CTNNA1: variants seen among roughly 807,000 people sequenced by gnomAD.
CTNNA1 encodes the protein catenin alpha 1.
Under a neutral mutation model 98.4 loss-of-function variants are expected in CTNNA1, and 37 were observed. The ratio of observed to expected loss-of-function variants is 0.38; its 90% CI spans 0.29 to 0.49. The LOEUF (loss-of-function observed/expected upper bound fraction) is 0.49. CTNNA1 is among the 20% of genes least tolerant of loss of function. The probability of loss-of-function intolerance (pLI) is 0.95; values close to 1 mark genes in which losing one functional copy is unlikely to be tolerated. For missense variants in CTNNA1, 761 were observed against 1,147.2 expected (o/e 0.66, Z 4.86); for synonymous variants, 404 against 413.2 (o/e 0.98, Z 0.27).
intron 3 of CTNNA1, among the ~76,000 whole-genome samples, chr5:138,800,545 A>C (rs1359260593): frequency 6.6e-6 from 1 of 152,176 alleles, no homozygotes; most frequent in Non-Finnish European, 1.5e-5. Context: ...CTGTAATCCC[A>C]GCACTTTGGG....
Position 138,781,917 on chromosome 5 carries a change from A to ATTT in CTNNA1, c.-2-5_-2-3dup. On this transcript the variant is annotated splice_polypyrimidine_tract_variant and splice_region_variant and intron_variant, in intron 1 of 17. Coordinates refer to ENST00000302763, the MANE Select transcript of CTNNA1 (RefSeq NM_001903.5). ...TTGCCTGACTGACTTTTTGTTTCTT[A>ATTT]TTTAGAAATGACTGCTGTCCATGCA... 11 of 1,572,806 alleles carry ATTT rather than the reference A, an allele frequency of 7.0e-6. No homozygotes were observed. The highest frequency in any genetic ancestry group is 9.4e-6 in the Non-Finnish European group (11 of 1,168,842).
intron 7 of CTNNA1, among the ~76,000 whole-genome samples, chr5:138,830,966 G>T (rs1297018666): frequency 7.9e-5 from 12 of 152,108 alleles, no homozygotes; most frequent in Admixed American, 7.9e-4. Context: ...TAAAAAAATG[G>T]TTCATTTTAT....
rs551429983 is a variant in CTNNA1, at chr5:138,873,090, G to T, written c.1063-13122G>T. 6.2e-7 allele frequency: 1 copy of T among 1,613,774 alleles called. No individual in the cohort carries two copies. Among genetic ancestry groups the T allele is most frequent in the African/African-American group, 1.3e-5 (1 of 75,010 alleles). ...TTAATGATGATGAAGGGTCCTTCATGGGTGGGTTCATATTCATTATACGGT... is the reference window on the plus strand; with the variant it reads ...TTAATGATGATGAAGGGTCCTTCATTGGTGGGTTCATATTCATTATACGGT... On this transcript the variant is annotated intron_variant, in intron 7 of 17. Coordinates refer to ENST00000302763, the MANE Select transcript of CTNNA1 (RefSeq NM_001903.5). The surrounding 1 kb of genome is among the most constrained non-coding windows in gnomAD (Gnocchi z 6.1).
At chr5:138,900,631 A>G (rs10479194) in intron 9 of CTNNA1, among the ~76,000 whole-genome samples, 3,469 of 152,294 alleles carry the variant, frequency 0.023, 134 homozygotes, top group African/African-American at 0.08. Context: ...ATGAAACTTC[A>G]TTTAACAAAT....
intron 1 of CTNNA1, among the ~76,000 whole-genome samples, chr5:138,764,870 T>C (rs112841617): frequency 5.7e-5 from 7 of 123,328 alleles, no homozygotes; most frequent in Non-Finnish European, 1.1e-4. Context: ...ATCTCTCTCT[T>C]TTTTTTTTTT....
chr5:138,756,658 TG>T (rs1378016862), intron 1 of CTNNA1, among the ~76,000 whole-genome samples: 1 of 152,140 alleles, frequency 6.6e-6, no homozygotes, highest in East Asian at 1.9e-4. Context: ...ACTTTTTCAG[TG>T]GGGAGAAGAC....
intron 1 of CTNNA1, among the ~76,000 whole-genome samples, chr5:138,776,370 C>A (rs1228941601): frequency 6.6e-6 from 1 of 152,208 alleles, no homozygotes; most frequent in East Asian, 1.9e-4. Context: ...GTAAGGTCAC[C>A]GATCAACAGG....
chr5:138,780,243 T>C (rs935460884), intron 1 of CTNNA1, among the ~76,000 whole-genome samples: 1 of 151,918 alleles, frequency 6.6e-6, no homozygotes, highest in African/African-American at 2.4e-5. Flanking sequence ...CAGGCCGGAC[T>C]GCAGTGGCGC....
chr5:138,869,350 T>C (rs1257491206), intron 7 of CTNNA1: 1 of 151,546 alleles, frequency 6.6e-6, no homozygotes, highest in Non-Finnish European at 1.5e-5. Flanking sequence ...TAATTATCTA[T>C]AGATGGCCTT....
intron 3 of CTNNA1, among the ~76,000 whole-genome samples, chr5:138,800,056 C>T (rs1757406746): frequency 1.3e-5 from 2 of 152,018 alleles, no homozygotes; most frequent in Non-Finnish European, 2.9e-5. Flanking sequence ...GCCACCACAC[C>T]CAGCTAAATT....
intron 3 of CTNNA1, among the ~76,000 whole-genome samples, chr5:138,804,163 G>A (rs548992910): frequency 4.6e-5 from 7 of 152,196 alleles, no homozygotes; most frequent in Non-Finnish European, 5.9e-5. Context: ...TCTACACATC[G>A]TGCAGAGGAG....
rs543485382 is a variant in CTNNA1, at chr5:138,893,874, G to A, written c.1296+6232G>A. On this transcript the variant is annotated intron_variant, in intron 9 of 17. Coordinates refer to ENST00000302763, the MANE Select transcript of CTNNA1 (RefSeq NM_001903.5). ...CCTGACCTTGTGATCTTCCCACCTC[G>A]GCCTCCCAAACTGCTGAGATTACAG... 6.1e-5 allele frequency among the ~76,000 whole-genome samples: 9 copies of A among 148,240 alleles called. No homozygotes were observed. The South Asian group carries it at 6.5e-4, about 11-fold the overall frequency.
rs908564215 is a variant in CTNNA1 at position 138,904,488 on chromosome 5, G to T, written c.1389+47G>T. 2.1e-5 allele frequency: 34 copies of T among 1,583,690 alleles called. No individual in the cohort carries two copies. Among genetic ancestry groups the T allele is most frequent in the Non-Finnish European group, 2.7e-5 (32 of 1,166,142 alleles). ...TGACAGCATAACCAAATTAAATTTTGATTCAAGTGGAGATGAGGTTTATTT... is the reference window on the plus strand; with the variant it reads ...TGACAGCATAACCAAATTAAATTTTTATTCAAGTGGAGATGAGGTTTATTT... On this transcript the variant is annotated intron_variant, in intron 10 of 17. Transcript: ENST00000302763.
chr5:138,753,960 T>C (rs902525042), intron 1 of CTNNA1: 1 of 152,232 alleles, frequency 6.6e-6, no homozygotes, highest in Non-Finnish European at 1.5e-5. Context: ...TCCCGGGAAG[T>C]GATTGTCGTC....
At chr5:138,782,954 AAT>A (rs1406591840) in intron 2 of CTNNA1, among the ~76,000 whole-genome samples, 28 of 152,320 alleles carry the variant, frequency 1.8e-4, no homozygotes, top group Admixed American at 1.2e-3. Flanking sequence ...GAGAAATTAA[AAT>A]ATGTGTTAAA....
intron 9 of CTNNA1, among the ~76,000 whole-genome samples, chr5:138,899,549 G>T (rs914785751): frequency 1.3e-5 from 2 of 152,138 alleles, no homozygotes; most frequent in East Asian, 1.9e-4. Context: ...CTTAGGGTTG[G>T]TCACTTACTA....
At chr5:138,878,630 C>G (rs1013265892) in intron 7 of CTNNA1, among the ~76,000 whole-genome samples, 2 of 152,114 alleles carry the variant, frequency 1.3e-5, no homozygotes, top group Non-Finnish European at 2.9e-5. Context: ...TGTCTGCATT[C>G]CTCCACATGA....
intron 5 of CTNNA1, among the ~76,000 whole-genome samples, chr5:138,815,989 C>G (rs762140035): frequency 6.6e-5 from 10 of 152,190 alleles, no homozygotes; most frequent in Non-Finnish European, 1.5e-4. Flanking sequence ...TGGGCACTGT[C>G]CATTGGCCTC....
At chr5:138,777,718 C>T (rs1460691382) in intron 1 of CTNNA1, among the ~76,000 whole-genome samples, 3 of 151,572 alleles carry the variant, frequency 2.0e-5, no homozygotes, top group Non-Finnish European at 2.9e-5. Context: ...ACCAGTCAGG[C>T]ATGGCGGTGC....
Sources: allele counts gnomAD v4.1 joint callset (sites outside exome capture counted in the v4.1 genomes callset), GRCh38; gene constraint gnomAD v4.1.1; non-coding constraint Gnocchi (gnomAD v3.1); transcripts MANE v1.5; gene names NCBI Gene and HGNC (gene_info 2026-07-23, HGNC 2026-07-21).